RECK: variants seen among roughly 807,000 people sequenced by gnomAD.
RECK encodes reversion inducing cysteine rich protein with kazal motifs, also known as reversion-inducing cysteine-rich protein with Kazal motifs.
Under a neutral mutation model 115.1 loss-of-function variants are expected in RECK, and 69 were observed. That is an observed-to-expected ratio of 0.60 (90% CI 0.49 to 0.73). RECK has a LOEUF of 0.73. Ranked by LOEUF, RECK falls within the 30% of genes least tolerant of loss-of-function variation. The probability of loss-of-function intolerance (pLI) is 0.00; values close to 1 mark genes in which losing one functional copy is unlikely to be tolerated. For missense variants in RECK, 1,047 were observed against 1,203.7 expected, an observed-to-expected ratio of 0.87 and a Z score of 1.93; for synonymous variants, 414 against 419.7, an observed-to-expected ratio of 0.99 and a Z score of 0.17.
chr9:36,107,374 G>A (rs1440933070), intron 13 of RECK, among the ~76,000 whole-genome samples: 1 of 152,042 alleles, frequency 6.6e-6, no homozygotes, highest in Admixed American at 6.6e-5. Context: ...TGGATCACGA[G>A]GTCAGGAGTT....
chr9:36,039,451 T>A (rs1247978043), intron 1 of RECK, among the ~76,000 whole-genome samples: 6 of 152,252 alleles, frequency 3.9e-5, no homozygotes, highest in Non-Finnish European at 8.8e-5. Flanking sequence ...TGCTCTGGTA[T>A]AAGGCTTTGC....
chr9:36,070,797 T>G (rs1407917437), intron 6 of RECK, among the ~76,000 whole-genome samples: 1 of 152,212 alleles, frequency 6.6e-6, no homozygotes, highest in Non-Finnish European at 1.5e-5. Context: ...GTACTTCTTT[T>G]GAGAATCACA....
Position 36,120,703 on chromosome 9 carries a change from A to G in RECK, c.2505A>G (p.Leu835=), listed in dbSNP as rs373948774. 1.6e-5 allele frequency: 26 copies of G among 1,613,362 alleles called. No homozygotes were observed. The African/African-American group carries it at 3.5e-4, about 22-fold the overall frequency. Residue 835 remains leucine, a synonymous_variant, in exon 19 of 21, where the codon TTA becomes TTG. Transcript: ENST00000377966. ...TATGTGCTGGGATGTTAAGAGTTTTATTTGACAAAGAAAAACTGGATACTA... is the reference window on the plus strand; with the variant it reads ...TATGTGCTGGGATGTTAAGAGTTTTGTTTGACAAAGAAAAACTGGATACTA... ...CPLCAGMLRV[L]FDKEKLDTIA...
chr9:36,051,040 A>C (rs1460075705), intron 1 of RECK, among the ~76,000 whole-genome samples: 2 of 152,162 alleles, frequency 1.3e-5, no homozygotes, highest in African/African-American at 4.8e-5. Context: ...ATATACATAT[A>C]TAGTTTAATA....
chr9:36,074,626 T>A (rs1822377363), intron 6 of RECK, among the ~76,000 whole-genome samples: 1 of 152,062 alleles, frequency 6.6e-6, no homozygotes, highest in Non-Finnish European at 1.5e-5. Context: ...GATAGAAAAA[T>A]TTTATAGACT....
intron 10 of RECK, among the ~76,000 whole-genome samples, chr9:36,097,648 T>C (rs995531275): frequency 6.6e-6 from 1 of 151,990 alleles, no homozygotes; most frequent in Non-Finnish European, 1.5e-5. Context: ...AGATAGAAGG[T>C]ACCATATGAT....
Position 36,052,751 on chromosome 9 carries a change from CAAAG to C in RECK, c.159+433_159+436del, listed in dbSNP as rs561730770. Among the ~76,000 whole-genome samples the C allele has an allele frequency of 9.9e-5, 15 of 152,032 alleles. 1 individual carries two copies. The East Asian group carries it at 2.9e-3, about 29-fold the overall frequency. On this transcript the variant is annotated intron_variant, in intron 2 of 20. Coordinates refer to ENST00000377966, the MANE Select transcript of RECK (RefSeq NM_021111.3). ...TTTAAAAATGTCAGTGTTATAAAAA[CAAAG>C]AAAGGCTAAGAAACTGTTACAGATT...
chr9:36,115,315 A>AAATAATAATAAT (rs10607815), intron 16 of RECK, among the ~76,000 whole-genome samples: 90 of 149,358 alleles, frequency 6.0e-4, no homozygotes, highest in African/African-American at 1.9e-3. Flanking sequence ...ACTCTGTCTC[A>AAATAATAATAAT]AATAATAATA....
chr9:36,102,336 G>T, intron 12 of RECK, 106 bp downstream of exon 12: 1 of 948,376 alleles, frequency 1.1e-6, no homozygotes. Flanking sequence ...TGAGAACATG[G>T]GATTCAATGA....
At chr9:36,080,980 C>T (rs191159813) in intron 7 of RECK, among the ~76,000 whole-genome samples, 9 of 152,258 alleles carry the variant, frequency 5.9e-5, no homozygotes, top group South Asian at 4.1e-4. Context: ...GTGGAGGACA[C>T]GACCTGTACA....
intron 9 of RECK, among the ~76,000 whole-genome samples, chr9:36,090,024 C>T (rs1290567715): frequency 6.6e-6 from 1 of 151,182 alleles, no homozygotes; most frequent in Non-Finnish European, 1.5e-5. Flanking sequence ...GGTGTGGTGG[C>T]AGATGCCTAT....
In RECK at chr9:36,123,893, G is replaced by A. The variant is rs934669873; in HGVS notation, c.*848G>A. The A allele has an allele frequency of 2.0e-5, 3 of 152,640 alleles. No homozygotes were observed. The highest frequency in any genetic ancestry group is 7.2e-5 in the African/African-American group (3 of 41,460). 9.5% of individuals were successfully genotyped at this position (152,640 alleles called of 1,614,324 possible). ...TATAATTGCCAAAAAGTGAAATAAT[G>A]TGTAGTTCATGTAAATAATACATTA... On this transcript the variant is annotated 3_prime_UTR_variant, in exon 21 of 21. Coordinates refer to ENST00000377966, the MANE Select transcript of RECK (RefSeq NM_021111.3).
At chr9:36,045,049 T>C (rs1279863707) in intron 1 of RECK, among the ~76,000 whole-genome samples, 2 of 152,136 alleles carry the variant, frequency 1.3e-5, no homozygotes, top group Non-Finnish European at 2.9e-5. Context: ...TGGAGAAGGA[T>C]GTATGTAACT....
At position 36,105,251 on chromosome 9, in the gene RECK, G is replaced by T; in HGVS notation, c.1544G>T (p.Gly515Val). 6.2e-7 allele frequency: 1 copy of T among 1,614,108 alleles called. No homozygotes were observed. The highest frequency in any genetic ancestry group is 1.1e-5 in the South Asian group (1 of 91,082). The change falls in exon 13 of 21, where the codon GGA (glycine) becomes GTA (valine). Residue 515 changes from glycine (G) to valine (V), a missense_variant. By Grantham distance (109) the Gly-to-Val change is moderately radical. Transcript: ENST00000377966. ...GTAAACCGAAAAGGATGTCCATCTG[G>T]AGATCCCTGTCTTCCATACTTTTGT... ...CEVNRKGCPS[G>V]DPCLPYFCVQ...
chr9:36,041,726 T>C (rs1820873220), intron 1 of RECK, among the ~76,000 whole-genome samples: 1 of 151,598 alleles, frequency 6.6e-6, no homozygotes, highest in Admixed American at 6.6e-5. Context: ...ACATGGCTTC[T>C]CTCTGTGCAT....
chr9:36,098,270 CTTAAT>C (rs1823435602), intron 10 of RECK, among the ~76,000 whole-genome samples: 1 of 152,174 alleles, frequency 6.6e-6, no homozygotes, highest in African/African-American at 2.4e-5. Flanking sequence ...TTTTAATTAG[CTTAAT>C]TTAGCCATTC....
chr9:36,104,751 C>T (rs1183907257), intron 12 of RECK, among the ~76,000 whole-genome samples: 3 of 152,074 alleles, frequency 2.0e-5, no homozygotes, highest in Admixed American at 1.3e-4. Flanking sequence ...TCCGGTGATC[C>T]GCCCGCCTCA....
intron 4 of RECK, among the ~76,000 whole-genome samples, chr9:36,062,217 A>C (rs1424860868): frequency 6.8e-6 from 1 of 146,756 alleles, no homozygotes; most frequent in Non-Finnish European, 1.5e-5. Context: ...GCTGGAGTGC[A>C]ATGGCACAAT....
At position 36,061,753 on chromosome 9, in the gene RECK, C is replaced by G. The variant is rs189723516; in HGVS notation, c.271+1598C>G. On this transcript the variant is annotated intron_variant, in intron 4 of 20. Coordinates refer to ENST00000377966, the MANE Select transcript of RECK (RefSeq NM_021111.3). ...GAAGAAACTATACTAGGCAATGAGG[C>G]TAGATGTGAATTTGTTACCCTTTGT... Among the ~76,000 whole-genome samples the G allele has an allele frequency of 1.1e-3, 170 of 152,222 alleles. 1 individual carries two copies. Among genetic ancestry groups the G allele is most frequent in the South Asian group, 8.9e-3 (43 of 4,824 alleles).
Sources: allele counts gnomAD v4.1 joint callset (sites outside exome capture counted in the v4.1 genomes callset), GRCh38; gene constraint gnomAD v4.1.1; transcripts MANE v1.5; gene names NCBI Gene and HGNC (gene_info 2026-07-23, HGNC 2026-07-21).